GRIN2B: variants seen among roughly 807,000 people sequenced by gnomAD.
GRIN2B encodes glutamate ionotropic receptor NMDA type subunit 2B.
Under a neutral mutation model 114.5 loss-of-function variants are expected in GRIN2B, and 5 were observed. That is an observed-to-expected ratio of 0.04 (90% confidence interval 0.02 to 0.09). The LOEUF is 0.09. GRIN2B is among the 10% of genes least tolerant of loss of function. The probability of loss-of-function intolerance (pLI) is 1.00; values close to 1 mark genes in which losing one functional copy is unlikely to be tolerated. For synonymous variants in GRIN2B, 787 were observed against 745.1 expected (o/e 1.06, Z -0.92); for missense variants, 1,108 against 1,943.5 (o/e 0.57, Z 8.08).
intron 4 of GRIN2B, among the ~76,000 whole-genome samples, chr12:13,688,620 C>A (rs1269762147): frequency 2.6e-5 from 4 of 152,152 alleles, no homozygotes; most frequent in Non-Finnish European, 5.9e-5. Context: ...TTAGATCGTG[C>A]TCTGGAAGGA....
At chr12:13,844,228 G>A (rs1174883052) in intron 3 of GRIN2B, among the ~76,000 whole-genome samples, 1 of 152,150 alleles carries the variant, frequency 6.6e-6, no homozygotes, top group Non-Finnish European at 1.5e-5. Flanking sequence ...GGCTTGAATG[G>A]TTTTGCCTTT....
At chr12:13,642,629 G>T (rs938790444) in intron 5 of GRIN2B, among the ~76,000 whole-genome samples, 1 of 152,156 alleles carries the variant, frequency 6.6e-6, no homozygotes, top group African/African-American at 2.4e-5. Context: ...GACTAGCTTT[G>T]CATATTGCCT....
chr12:13,538,182 T>G lies in GRIN2B; in HGVS notation c.*24601A>C, dbSNP rs939693829. ...TGGGACAGCCAAGGAGGCTCATCTT[T>G]CCGGAACAGTTGGCTGATGGGGACA... On this transcript the variant is annotated 3_prime_UTR_variant, in exon 14 of 14. Transcript: ENST00000609686. The G allele has an allele frequency of 6.6e-6, 1 of 152,164 alleles. No homozygotes were observed. The highest frequency in any genetic ancestry group is 2.4e-5 in the African/African-American group (1 of 41,404). 9.4% of individuals were successfully genotyped at this position (152,164 alleles called of 1,614,324 possible).
At chr12:13,699,897 T>TTC (rs1324453372) in intron 4 of GRIN2B, among the ~76,000 whole-genome samples, 327 of 152,056 alleles carry the variant, frequency 2.2e-3, no homozygotes, top group African/African-American at 7.3e-3. Context: ...TTTTTTTTTT[T>TTC]TTTCTTGTCT....
intron 2 of GRIN2B, among the ~76,000 whole-genome samples, chr12:13,867,483 A>T (rs1865846163): frequency 6.6e-6 from 1 of 152,238 alleles, no homozygotes; most frequent in Non-Finnish European, 1.5e-5. Context: ...TACACTAAAA[A>T]GCCCAGATTT....
At chr12:13,737,071 T>C (rs1863197873) in intron 4 of GRIN2B, among the ~76,000 whole-genome samples, 1 of 148,584 alleles carries the variant, frequency 6.7e-6, no homozygotes, top group South Asian at 2.2e-4. Flanking sequence ...ACATGCAACA[T>C]ACAATATAAT....
intron 10 of GRIN2B, among the ~76,000 whole-genome samples, chr12:13,608,067 G>T (rs1386505142): frequency 2.0e-5 from 3 of 152,162 alleles, no homozygotes; most frequent in Admixed American, 6.5e-5. Flanking sequence ...CCATTCATCA[G>T]CACCACACAG....
At chr12:13,908,470 G>A (rs576282764) in intron 2 of GRIN2B, among the ~76,000 whole-genome samples, 3 of 152,232 alleles carry the variant, frequency 2.0e-5, no homozygotes, top group African/African-American at 7.2e-5. Flanking sequence ...GGAAACTAAA[G>A]ATTAAAAGAG....
chr12:13,641,073 T>C (rs2136507180), intron 5 of GRIN2B, among the ~76,000 whole-genome samples: 1 of 99,530 alleles, frequency 1.0e-5, no homozygotes. Flanking sequence ...TGTATCATGC[T>C]TATTATTATT....
Position 13,831,469 on chromosome 12 carries a change from C to T in GRIN2B, c.411+34329G>A, listed in dbSNP as rs190116019. Among the ~76,000 whole-genome samples, 443 of 152,264 alleles carry T rather than the reference C, an allele frequency of 2.9e-3. 1 individual carries two copies. Among genetic ancestry groups the T allele is most frequent in the Middle Eastern group, 0.01 (3 of 294 alleles). On this transcript the variant is annotated intron_variant, in intron 3 of 13. Transcript: ENST00000609686. ...CTAGAAGATGCCAGCTCAGGCCCAA[C>T]AGGCATGGAGTCACAGAAGAGGTTA...
intron 2 of GRIN2B, among the ~76,000 whole-genome samples, chr12:13,925,533 ACTTCTTACACTTTAT>A (rs1034121298): frequency 6.6e-6 from 1 of 152,108 alleles, no homozygotes; most frequent in Non-Finnish European, 1.5e-5. Context: ...TCAGACCAGC[ACTTCTTACACTTTAT>A]CTCTCCCTGG....
At chr12:13,867,889 T>G (rs1865851549) in intron 2 of GRIN2B, among the ~76,000 whole-genome samples, 1 of 140,972 alleles carries the variant, frequency 7.1e-6, no homozygotes, top group Non-Finnish European at 1.6e-5. Flanking sequence ...ATCTCCTGCT[T>G]GTTTCAAAAA....
chr12:13,648,873 G>A (rs1378089723), intron 5 of GRIN2B, among the ~76,000 whole-genome samples: 1 of 152,038 alleles, frequency 6.6e-6, no homozygotes, highest in African/African-American at 2.4e-5. Context: ...TGAGGGTCCA[G>A]TATCTTCTTT....
At chr12:13,747,981 G>C (rs1037682078) in intron 4 of GRIN2B, among the ~76,000 whole-genome samples, 3 of 152,148 alleles carry the variant, frequency 2.0e-5, no homozygotes, top group Non-Finnish European at 2.9e-5. Flanking sequence ...TTTGCCTCAA[G>C]GTTGTAGGAA....
At chr12:13,934,473 G>T (rs1347921979) in intron 2 of GRIN2B, among the ~76,000 whole-genome samples, 3 of 152,194 alleles carry the variant, frequency 2.0e-5, no homozygotes, top group Non-Finnish European at 4.4e-5. Flanking sequence ...GCTCAGAAAG[G>T]TTAAGTAACT....
At chr12:13,913,058 G>A (rs151184734) in intron 2 of GRIN2B, among the ~76,000 whole-genome samples, 86 of 152,232 alleles carry the variant, frequency 5.6e-4, no homozygotes, top group African/African-American at 2.0e-3. Context: ...CCTTCCACCT[G>A]AGTCGAGAGT....
At chr12:13,692,308 C>T (rs907979020) in intron 4 of GRIN2B, among the ~76,000 whole-genome samples, 1 of 152,108 alleles carries the variant, frequency 6.6e-6, no homozygotes, top group African/African-American at 2.4e-5. Flanking sequence ...AAATCTATCC[C>T]TGTAACACAG....
chr12:13,872,532 C>A (rs1446249399), intron 2 of GRIN2B, among the ~76,000 whole-genome samples: 1 of 151,696 alleles, frequency 6.6e-6, no homozygotes, highest in African/African-American at 2.4e-5. Context: ...TGATCAATTG[C>A]GGTTTATATC....
At chr12:13,606,133 G>A (rs1203434091) in intron 10 of GRIN2B, among the ~76,000 whole-genome samples, 1 of 152,194 alleles carries the variant, frequency 6.6e-6, no homozygotes. Flanking sequence ...GGCCCATCAA[G>A]TTTCTGCAAC....
Sources: gnomAD v4.1 joint callset for allele counts (sites outside exome capture counted in the v4.1 genomes callset) on GRCh38, gnomAD v4.1.1 for gene constraint, MANE v1.5 for transcripts, NCBI Gene and HGNC (gene_info 2026-07-23, HGNC 2026-07-21) for gene names.